PPARGC1B: variants seen among roughly 807,000 people sequenced by gnomAD.
PPARGC1B encodes the protein PPARG coactivator 1 beta.
A neutral mutation model predicts 101.6 loss-of-function variants in PPARGC1B; 34 were observed. The observed-to-expected ratio is 0.33, with a 90% CI of 0.25 to 0.45. PPARGC1B has a LOEUF of 0.45. Ranked by LOEUF, PPARGC1B falls within the 20% of genes least tolerant of loss-of-function variation. PPARGC1B has a pLI of 1.00. For synonymous variants in PPARGC1B, 548 were observed against 539.3 expected (o/e 1.02, Z -0.22); for missense variants, 1,234 against 1,317.6 (o/e 0.94, Z 0.98).
At chr5:149,829,653 G>A (rs1758665182) in intron 3 of PPARGC1B, among the ~76,000 whole-genome samples, 1 of 151,608 alleles carries the variant, frequency 6.6e-6, no homozygotes, top group South Asian at 2.1e-4. Flanking sequence ...CTGCCCTCAG[G>A]GTGCAGAAGC....
intron 1 of PPARGC1B, among the ~76,000 whole-genome samples, chr5:149,760,275 T>C (rs1004526167): frequency 2.0e-5 from 3 of 152,044 alleles, no homozygotes; most frequent in Non-Finnish European, 4.4e-5. Context: ...CTGGGAAGAA[T>C]TGTTGTGGTG....
intron 1 of PPARGC1B, among the ~76,000 whole-genome samples, chr5:149,757,395 A>G (rs4705369): frequency 0.7 from 106,565 of 151,750 alleles, 37,397 homozygotes; most frequent in South Asian, 0.75. Flanking sequence ...AAATCAGTGC[A>G]CGCCCTGCCT....
In PPARGC1B at chr5:149,847,986, G is replaced by GA. The variant is rs975931083; in HGVS notation, c.*437dup. On this transcript the variant is annotated 3_prime_UTR_variant, in exon 12 of 12. Coordinates refer to ENST00000309241, the MANE Select transcript of PPARGC1B (RefSeq NM_133263.4). ...AGGACTATAAACTTCATTTTTAATT[G>GA]AAAAAAAAAGTATATCCTTAAAATA... 2.6e-4 allele frequency: 46 copies of GA among 175,808 alleles called. No homozygotes were observed. Among genetic ancestry groups the GA allele is most frequent in the East Asian group, 5.9e-4 (4 of 6,790 alleles). 10.9% of individuals were successfully genotyped at this position (175,808 alleles called of 1,614,324 possible). A position where few individuals can be genotyped will look rare whatever the true frequency, so the allele number is the denominator to read the frequency against.
At chr5:149,841,389 T>C (rs1241957787) in intron 9 of PPARGC1B, among the ~76,000 whole-genome samples, 1 of 152,180 alleles carries the variant, frequency 6.6e-6, no homozygotes, top group Non-Finnish European at 1.5e-5. Flanking sequence ...TCGTATGTTG[T>C]GGGATGTACA....
At chr5:149,838,893 G>C (rs1476934251) in intron 8 of PPARGC1B, among the ~76,000 whole-genome samples, 1 of 152,202 alleles carries the variant, frequency 6.6e-6, no homozygotes, top group Admixed American at 6.5e-5. Flanking sequence ...GTTAAGCTGG[G>C]TTAACAACAC....
rs1759744803 is a variant in PPARGC1B at position 149,851,038 on chromosome 5, C to T, written c.*3480C>T. ...GAGTCAAAAAGCACCCATAAGATAC[C>T]TGCATCTGCCTTGAAATCTTGCAGC... On this transcript the variant is annotated 3_prime_UTR_variant, in exon 12 of 12. Transcript: ENST00000309241. 1 of 152,110 alleles carries T rather than the reference C, an allele frequency of 6.6e-6. No individual in the cohort carries two copies. Among genetic ancestry groups the T allele is most frequent in the South Asian group, 2.1e-4 (1 of 4,820 alleles). 9.4% of individuals were successfully genotyped at this position (152,110 alleles called of 1,614,324 possible). A position where few individuals can be genotyped will look rare whatever the true frequency, so the allele number is the denominator to read the frequency against.
intron 1 of PPARGC1B, among the ~76,000 whole-genome samples, chr5:149,810,121 TAAC>T (rs1224238402): frequency 6.6e-6 from 1 of 152,166 alleles, no homozygotes; most frequent in Non-Finnish European, 1.5e-5. Context: ...CAACAAAGCC[TAAC>T]AACATGTACC....
intron 1 of PPARGC1B, among the ~76,000 whole-genome samples, chr5:149,819,894 T>C (rs1758211802): frequency 6.6e-6 from 1 of 152,276 alleles, no homozygotes; most frequent in Non-Finnish European, 1.5e-5. Context: ...GTTCATCATA[T>C]ATGTTCCATC....
In PPARGC1B at chr5:149,756,324, C is replaced by G. The variant is rs371352616; in HGVS notation, c.78+25904C>G. The stretch of plus-strand genomic sequence containing the variant: ...AAAATTAGCCAGGTGTGGTGGCAGG[C>G]ACCTGTAATCCCAGCTACTTGGGAG... On this transcript the variant is annotated intron_variant, in intron 1 of 11. Transcript: ENST00000309241. 3.3e-4 allele frequency among the ~76,000 whole-genome samples: 50 copies of G among 152,124 alleles called. No individual in the cohort carries two copies. In the South Asian group the frequency reaches 1.0e-2, roughly 30 times the overall value.
chr5:149,786,488 C>T (rs779422968), intron 1 of PPARGC1B, among the ~76,000 whole-genome samples: 20 of 152,124 alleles, frequency 1.3e-4, no homozygotes, highest in Admixed American at 3.3e-4. Context: ...CCTCCTGTCT[C>T]GGCCTCCCGA....
intron 8 of PPARGC1B, 119 bp from the exon 9 acceptor site, chr5:149,839,922 C>A: frequency 2.0e-6 from 2 of 1,005,032 alleles, no homozygotes; most frequent in Non-Finnish European, 3.1e-6. Flanking sequence ...GCAGTTCCAG[C>A]TGTGTGCCCT....
chr5:149,753,031 G>C (rs1309933104), intron 1 of PPARGC1B, among the ~76,000 whole-genome samples: 1 of 152,050 alleles, frequency 6.6e-6, no homozygotes, highest in Non-Finnish European at 1.5e-5. Flanking sequence ...TGCCTCCTGG[G>C]TTTTTATTTT....
chr5:149,796,221 A>AG (rs901605115), intron 1 of PPARGC1B, among the ~76,000 whole-genome samples: 35 of 152,158 alleles, frequency 2.3e-4, no homozygotes, highest in African/African-American at 7.7e-4. Context: ...TCGGTGGAGT[A>AG]GGGGGGGCCT....
At chr5:149,778,241 G>T (rs889912855) in intron 1 of PPARGC1B, among the ~76,000 whole-genome samples, 1 of 152,010 alleles carries the variant, frequency 6.6e-6, no homozygotes, top group Non-Finnish European at 1.5e-5. Flanking sequence ...GGGGATGACA[G>T]AAGGGAGGCA....
At chr5:149,772,620 T>C (rs921371560) in intron 1 of PPARGC1B, among the ~76,000 whole-genome samples, 8 of 152,188 alleles carry the variant, frequency 5.3e-5, no homozygotes, top group African/African-American at 1.9e-4. Context: ...TTGGTCTGTG[T>C]GTGCCTGTGT....
At chr5:149,759,014 C>T (rs1234334075) in intron 1 of PPARGC1B, among the ~76,000 whole-genome samples, 1 of 151,848 alleles carries the variant, frequency 6.6e-6, no homozygotes, top group Non-Finnish European at 1.5e-5. Context: ...GCAGATATAC[C>T]CTTTCAAAGG....
chr5:149,803,806 G>T (rs17110433), intron 1 of PPARGC1B, among the ~76,000 whole-genome samples: 2,082 of 152,304 alleles, frequency 0.014, 38 homozygotes, highest in African/African-American at 0.046. Context: ...TACTCGCCCA[G>T]TTCTTCGCTC....
intron 2 of PPARGC1B, among the ~76,000 whole-genome samples, chr5:149,823,869 G>A (rs1162310577): frequency 2.0e-5 from 3 of 152,158 alleles, no homozygotes; most frequent in Admixed American, 6.5e-5. Context: ...TTTCAGCACC[G>A]TGACCGGCAC....
chr5:149,801,982 G>T (rs1235205456), intron 1 of PPARGC1B, among the ~76,000 whole-genome samples: 1 of 152,184 alleles, frequency 6.6e-6, no homozygotes, highest in Non-Finnish European at 1.5e-5. Flanking sequence ...GCAGGTGGGT[G>T]TACCCTATTT....
Sources: gnomAD v4.1 joint callset for allele counts (sites outside exome capture counted in the v4.1 genomes callset) on GRCh38, gnomAD v4.1.1 for gene constraint, MANE v1.5 for transcripts, NCBI Gene and HGNC (gene_info 2026-07-23, HGNC 2026-07-21) for gene names.